TMTC2: variants seen among roughly 807,000 people sequenced by gnomAD.
The protein encoded by TMTC2 is transmembrane O-mannosyltransferase targeting cadherins 2, also known as protein O-mannosyl-transferase TMTC2.
A neutral mutation model predicts 82.4 loss-of-function variants in TMTC2; 43 were observed. The observed-to-expected ratio is 0.52, with a 90% confidence interval of 0.41 to 0.67. The LOEUF is 0.67. TMTC2 is among the 30% of genes least tolerant of loss of function. TMTC2 has a pLI of 0.00. For synonymous variants in TMTC2, 408 were observed against 381.9 expected (o/e 1.07, Z -0.80); for missense variants, 919 against 1,012.4 (o/e 0.91, Z 1.25).
chr12:83,120,814 A>G (rs1165123523), intron 11 of TMTC2, among the ~76,000 whole-genome samples: 2 of 152,304 alleles, frequency 1.3e-5, no homozygotes, highest in South Asian at 2.1e-4. Flanking sequence ...GCTGTTTACC[A>G]TAATCCCAGA....
intron 2 of TMTC2, among the ~76,000 whole-genome samples, chr12:82,860,248 A>G (rs1871472653): frequency 6.6e-6 from 1 of 152,170 alleles, no homozygotes; most frequent in African/African-American, 2.4e-5. Context: ...CTGGGATTAC[A>G]GGCGTGAACT....
At chr12:83,005,953 A>G (rs563608723) in intron 8 of TMTC2, among the ~76,000 whole-genome samples, 1 of 152,256 alleles carries the variant, frequency 6.6e-6, no homozygotes, top group South Asian at 2.1e-4. Context: ...GATGCCTATT[A>G]CCATATTTTG....
intron 8 of TMTC2, among the ~76,000 whole-genome samples, chr12:82,987,232 T>C (rs370168360): frequency 1.4e-4 from 22 of 152,058 alleles, no homozygotes; most frequent in African/African-American, 4.8e-4. Flanking sequence ...AAGACCAGCC[T>C]GGCCAACACG....
At chr12:83,035,626 T>G (rs779824903) in intron 9 of TMTC2, among the ~76,000 whole-genome samples, 78 of 152,212 alleles carry the variant, frequency 5.1e-4, no homozygotes, top group Non-Finnish European at 9.6e-4. Flanking sequence ...AAGTATTCCA[T>G]GTCCATGTGA....
chr12:82,858,066 A>G (rs564662550), intron 2 of TMTC2, among the ~76,000 whole-genome samples: 30 of 152,320 alleles, frequency 2.0e-4, no homozygotes, highest in African/African-American at 7.2e-4. Context: ...AAATTCTTAA[A>G]CAATGAATCA....
At chr12:82,956,303 A>G (rs528525029) in intron 4 of TMTC2, among the ~76,000 whole-genome samples, 9 of 152,218 alleles carry the variant, frequency 5.9e-5, no homozygotes, top group Non-Finnish European at 1.3e-4. Context: ...AAAAATATAT[A>G]TATATATATG....
chr12:82,977,874 A>C (rs1038044744), intron 7 of TMTC2, among the ~76,000 whole-genome samples: 3 of 151,812 alleles, frequency 2.0e-5, no homozygotes, highest in Non-Finnish European at 3.0e-5. Context: ...ACTGATTTCG[A>C]ATGAGAAAAC....
At chr12:83,009,740 C>T (rs1021996532) in intron 8 of TMTC2, among the ~76,000 whole-genome samples, 1 of 152,160 alleles carries the variant, frequency 6.6e-6, no homozygotes, top group South Asian at 2.1e-4. Flanking sequence ...TCTAATATAA[C>T]AGTGGCCCCC....
At chr12:83,031,017 C>T in intron 9 of TMTC2, 138 bp downstream of exon 9, 1 of 598,590 alleles carries the variant, frequency 1.7e-6, no homozygotes, top group Non-Finnish European at 3.0e-6. Flanking sequence ...TGCTATATTC[C>T]TACCTTCTCA....
chr12:82,929,745 G>A (rs1351628017), intron 3 of TMTC2, among the ~76,000 whole-genome samples: 4 of 152,068 alleles, frequency 2.6e-5, no homozygotes. Flanking sequence ...TACTATGGGG[G>A]CAATTATTGG....
chr12:82,752,093 T>C (rs1192405253), intron 1 of TMTC2, among the ~76,000 whole-genome samples: 1 of 152,094 alleles, frequency 6.6e-6, no homozygotes, highest in African/African-American at 2.4e-5. Context: ...AATAGATACA[T>C]TATCCCTCTC....
chr12:82,693,476 T>C (rs576142145), intron 1 of TMTC2, among the ~76,000 whole-genome samples: 6 of 152,322 alleles, frequency 3.9e-5, no homozygotes, highest in South Asian at 4.1e-4. Context: ...CTGAACTCTT[T>C]GAGTTGACTA....
At chr12:82,887,889 G>A (rs757356568) in intron 2 of TMTC2, among the ~76,000 whole-genome samples, 41 of 152,094 alleles carry the variant, frequency 2.7e-4, no homozygotes, top group Non-Finnish European at 5.1e-4. Context: ...AGACCAGCCT[G>A]ACCAACATGG....
chr12:83,042,454 A>G (rs1390468570), intron 9 of TMTC2, among the ~76,000 whole-genome samples: 1 of 152,250 alleles, frequency 6.6e-6, no homozygotes, highest in East Asian at 1.9e-4. Flanking sequence ...AACCCTGAAG[A>G]TAGTTTGAAG....
chr12:82,723,754 CT>C (rs1874315067), intron 1 of TMTC2, among the ~76,000 whole-genome samples: 1 of 152,140 alleles, frequency 6.6e-6, no homozygotes, highest in Non-Finnish European at 1.5e-5. Flanking sequence ...CCTATATGGC[CT>C]TTCCTGCATT....
At chr12:82,998,009 G>T (rs2137361809) in intron 8 of TMTC2, among the ~76,000 whole-genome samples, 1 of 152,184 alleles carries the variant, frequency 6.6e-6, no homozygotes, top group East Asian at 1.9e-4. Flanking sequence ...ATACCAAACT[G>T]AAAGGGAGCA....
intron 1 of TMTC2, among the ~76,000 whole-genome samples, chr12:82,755,268 GTCTATCTGTTGCTAGTTCTTCTCCAGCA>G (rs1565736154): frequency 6.6e-6 from 1 of 152,148 alleles, no homozygotes; most frequent in Non-Finnish European, 1.5e-5. Flanking sequence ...TGATTGTGGT[GTCTATCTGTTGCTAGTTCTTCTCCAGCA>G]TCAATTCCCA....
chr12:83,054,835 T>C (rs1224040087), intron 10 of TMTC2, among the ~76,000 whole-genome samples: 1 of 152,014 alleles, frequency 6.6e-6, no homozygotes, highest in East Asian at 1.9e-4. Context: ...TCTTCATTCA[T>C]CATAATGAAG....
chr12:82,703,475 A>C (rs553274435), intron 1 of TMTC2, among the ~76,000 whole-genome samples: 2 of 151,646 alleles, frequency 1.3e-5, no homozygotes, highest in East Asian at 3.9e-4. Flanking sequence ...GATGCACTGT[A>C]ATGGAAGATA....
Sources: allele counts gnomAD v4.1 joint callset (sites outside exome capture counted in the v4.1 genomes callset), GRCh38; gene constraint gnomAD v4.1.1; transcripts MANE v1.5; gene names NCBI Gene and HGNC (gene_info 2026-07-23, HGNC 2026-07-21).